The following CNTNAP3 variants were observed in gnomAD, a reference collection of about 807,000 sequenced individuals.
CNTNAP3 encodes the protein contactin-associated protein-like 3.
In CNTNAP3, 36 loss-of-function variants were observed where a neutral mutation model predicts 92.1. That is an observed-to-expected ratio of 0.39 (90% CI 0.30 to 0.52). CNTNAP3 has a LOEUF of 0.52. Among genes scored for constraint, CNTNAP3 ranks in the 20% least tolerant of loss-of-function variants. CNTNAP3 has a pLI of 0.76. For missense variants in CNTNAP3, 534 were observed against 1,069.6 expected (o/e 0.50, Z 6.98); for synonymous variants, 232 against 422.3 (o/e 0.55, Z 5.53).
chr9:39,116,933 T>C (rs1382897798), intron 14 of CNTNAP3, among the ~76,000 whole-genome samples: 1 of 152,126 alleles, frequency 6.6e-6, no homozygotes, highest in African/African-American at 2.4e-5. Context: ...AGCTATTTTA[T>C]GTCCAAATCA....
intron 13 of CNTNAP3, among the ~76,000 whole-genome samples, chr9:39,128,037 C>A (rs1821189350): frequency 6.6e-6 from 1 of 152,102 alleles, no homozygotes; most frequent in Non-Finnish European, 1.5e-5. Flanking sequence ...CGGGGTTTCA[C>A]CATGTTGGCC....
intron 13 of CNTNAP3, among the ~76,000 whole-genome samples, chr9:39,127,416 T>A (rs1453485474): frequency 6.7e-6 from 1 of 149,894 alleles, no homozygotes; most frequent in Non-Finnish European, 1.5e-5. Flanking sequence ...AGGAAGGAGA[T>A]AACAAAGAGA....
At chr9:39,096,440 T>A (rs1826327467) in intron 18 of CNTNAP3, among the ~76,000 whole-genome samples, 1 of 152,060 alleles carries the variant, frequency 6.6e-6, no homozygotes. Flanking sequence ...CTAATAGTTG[T>A]ACGTTATTTA....
intron 21 of CNTNAP3, among the ~76,000 whole-genome samples, chr9:39,083,998 A>G (rs139415102): frequency 0.25 from 32,000 of 125,964 alleles, 3,532 homozygotes; most frequent in East Asian, 0.42. Flanking sequence ...TGGATTTTGG[A>G]CCATTTTTTT....
chr9:39,134,466 C>G (rs2118059450), intron 12 of CNTNAP3, among the ~76,000 whole-genome samples: 2 of 151,550 alleles, frequency 1.3e-5, no homozygotes, highest in South Asian at 4.2e-4. Context: ...GCTCTGTTGC[C>G]CAGGCTGGAG....
intron 9 of CNTNAP3, chr9:39,159,228 T>C (rs1822022900): frequency 6.7e-6 from 1 of 150,110 alleles, no homozygotes; most frequent in Admixed American, 6.7e-5. Flanking sequence ...TGTGTCCCTA[T>C]ATGGTTCATG....
intron 21 of CNTNAP3, among the ~76,000 whole-genome samples, chr9:39,079,424 CTTT>C (rs5897993): frequency 0.19 from 27,985 of 147,416 alleles, 2,151 homozygotes; most frequent in East Asian, 0.32. Flanking sequence ...TAATATCCCT[CTTT>C]ATCTCATTTA....
chr9:39,174,449 T>A, intron 7 of CNTNAP3: 1 of 626,744 alleles, frequency 1.6e-6, no homozygotes, highest in South Asian at 1.7e-5. Context: ...CTTTTTCTCA[T>A]GCTAACCTAA....
rs1161900828 is a variant in CNTNAP3 at position 39,069,555 on chromosome 9, A to C, written c.*4335T>G. Among the ~76,000 whole-genome samples, 1 of 149,200 alleles carries C rather than the reference A, an allele frequency of 6.7e-6. No homozygotes were observed. Among genetic ancestry groups the C allele is most frequent in the Non-Finnish European group, 1.5e-5 (1 of 67,466 alleles). On this transcript the variant is annotated 3_prime_UTR_variant, in exon 24 of 24. Transcript: ENST00000297668. Reference sequence around the variant, plus strand: ...TAATGGCACAATAAAATGCAAAAATATAATTTTAGGTCATAACCTATAGGC... The same window carrying C: ...TAATGGCACAATAAAATGCAAAAATCTAATTTTAGGTCATAACCTATAGGC...
chr9:39,115,609 A>C (rs1292315799), intron 14 of CNTNAP3, among the ~76,000 whole-genome samples: 2 of 151,684 alleles, frequency 1.3e-5, no homozygotes, highest in Non-Finnish European at 2.9e-5. Flanking sequence ...AAATAAAATA[A>C]GGTTAAAAAG....
rs1162924958 is a variant in CNTNAP3 at position 39,100,172 on chromosome 9, T to C, written c.2756-22A>G. On this transcript the variant is annotated intron_variant, in intron 17 of 23. Coordinates refer to ENST00000297668, the MANE Select transcript of CNTNAP3 (RefSeq NM_033655.5). ...CCACCTACAACGGAAACACTGCAAA[T>C]AGAAATGTGTTCCTTGGTATTTTAT... is the stretch of plus-strand genomic sequence containing the variant. 17 of 1,537,730 alleles carry C rather than the reference T, an allele frequency of 1.1e-5. No homozygotes were observed. In the Admixed American group the frequency reaches 2.4e-4, roughly 21 times the overall value.
chr9:39,111,975 A>G (rs1281836362), intron 14 of CNTNAP3, among the ~76,000 whole-genome samples: 1 of 151,932 alleles, frequency 6.6e-6, no homozygotes, highest in Non-Finnish European at 1.5e-5. Context: ...AAAATAGAAT[A>G]CTCAGGATTT....
intron 13 of CNTNAP3, among the ~76,000 whole-genome samples, chr9:39,124,383 G>T (rs1821108083): frequency 6.6e-6 from 1 of 151,964 alleles, no homozygotes; most frequent in East Asian, 1.9e-4. Flanking sequence ...GAAGAAACAA[G>T]GGCAACAAAT....
intron 14 of CNTNAP3, among the ~76,000 whole-genome samples, chr9:39,113,421 T>C (rs1820758674): frequency 6.6e-6 from 1 of 152,164 alleles, no homozygotes; most frequent in African/African-American, 2.4e-5. Context: ...GTAATGGTAA[T>C]TATTTTAAGA....
chr9:39,146,557 C>T (rs1272923061), intron 10 of CNTNAP3, among the ~76,000 whole-genome samples: 7 of 151,908 alleles, frequency 4.6e-5, no homozygotes, highest in Non-Finnish European at 1.0e-4. Context: ...GGTGTGGTGG[C>T]GGGCGCCTGT....
chr9:39,104,512 A>G (rs1419873913), intron 15 of CNTNAP3, among the ~76,000 whole-genome samples: 1 of 147,338 alleles, frequency 6.8e-6, no homozygotes, highest in Non-Finnish European at 1.5e-5. Context: ...ACACACACAC[A>G]CACACACACT....
rs373751434 is a variant in CNTNAP3 at position 39,085,707 on chromosome 9, T to C, written c.3442+29A>G. ...TCCAGAGTTTGTGACATGACACTTA[T>C]TTGGGAAAAAGCTCTTTCTCCTACT... On this transcript the variant is annotated intron_variant, in intron 21 of 23. Coordinates refer to ENST00000297668, the MANE Select transcript of CNTNAP3 (RefSeq NM_033655.5). 6.9e-5 allele frequency: 100 copies of C among 1,446,060 alleles called. 15 individuals are homozygous for C. The Middle Eastern group carries it at 2.7e-3, about 39-fold the overall frequency. The allele number at this position is 1,446,060 out of a possible 1,614,324, so 89.6% of individuals were successfully genotyped here.
intron 18 of CNTNAP3, among the ~76,000 whole-genome samples, chr9:39,092,357 T>C (rs1285884930): frequency 7.2e-6 from 1 of 139,614 alleles, no homozygotes; most frequent in African/African-American, 2.6e-5. Flanking sequence ...TTGGGAACCA[T>C]TTTTCTTTTT....
At chr9:39,110,263 G>A (rs1826712462) in intron 14 of CNTNAP3, among the ~76,000 whole-genome samples, 2 of 152,056 alleles carry the variant, frequency 1.3e-5, no homozygotes, top group Non-Finnish European at 2.9e-5. Flanking sequence ...GGGTGTGATG[G>A]TGCACACCTG....
Sources: allele counts gnomAD v4.1 joint callset (sites outside exome capture counted in the v4.1 genomes callset), GRCh38; gene constraint gnomAD v4.1.1; transcripts MANE v1.5; gene names NCBI Gene and HGNC (gene_info 2026-07-23, HGNC 2026-07-21).